MGA: variants seen among roughly 807,000 people sequenced by gnomAD.
The protein encoded by MGA is MAX dimerization protein MGA.
In MGA, 40 loss-of-function variants were observed where a neutral mutation model predicts 261.1. The ratio of observed to expected loss-of-function variants is 0.15; its 90% CI spans 0.12 to 0.20. The LOEUF (loss-of-function observed/expected upper bound fraction) is 0.20. MGA is among the 10% of genes least tolerant of loss of function. MGA has a pLI of 1.00. For missense variants in MGA, 3,397 were observed against 3,630.5 expected (o/e 0.94, Z 1.65); for synonymous variants, 1,302 against 1,290.6 (o/e 1.01, Z -0.19).
At position 41,696,556 on chromosome 15, in the gene MGA, A is replaced by G. The variant is rs1428614663; in HGVS notation, c.1546A>G (p.Asn516Asp). The G allele has an allele frequency of 6.2e-7, 1 of 1,613,990 alleles. No individual in the cohort carries two copies. The highest frequency in any genetic ancestry group is 2.2e-5 in the East Asian group (1 of 44,886). ...TTTGCCTACATACATTGAAAATTCC[A>G]ATGAGACTGCCTTCTGCTTAGGCAA... Residue 516 changes from asparagine to aspartate, a missense_variant, in exon 3 of 24, where the codon AAT becomes GAT. Coordinates refer to ENST00000219905, the MANE Select transcript of MGA (RefSeq NM_001164273.2).
At chr15:41,675,673 G>A (rs1030036558) in intron 2 of MGA, among the ~76,000 whole-genome samples, 11 of 152,038 alleles carry the variant, frequency 7.2e-5, no homozygotes, top group Non-Finnish European at 2.9e-5. Flanking sequence ...CACTGTGCCC[G>A]GCTCTTTAGA....
intron 1 of MGA, among the ~76,000 whole-genome samples, chr15:41,653,940 G>A (rs142774096): frequency 2.2e-4 from 33 of 152,220 alleles, no homozygotes; most frequent in Non-Finnish European, 4.6e-4. Flanking sequence ...GTTCTGTACC[G>A]TTACCAAAGT....
intron 5 of MGA, among the ~76,000 whole-genome samples, chr15:41,702,488 A>G (rs2059905203): frequency 6.6e-6 from 1 of 152,210 alleles, no homozygotes. Context: ...TTGAATTTCA[A>G]CTTAATGTCA....
chr15:41,644,866 T>G (rs973628524), intron 1 of MGA, among the ~76,000 whole-genome samples: 2 of 152,178 alleles, frequency 1.3e-5, no homozygotes, highest in Non-Finnish European at 2.9e-5. Context: ...CCCAGGTGTT[T>G]GCAAACTTTT....
At chr15:41,626,283 C>T (rs2056448764) in intron 1 of MGA, among the ~76,000 whole-genome samples, 1 of 133,884 alleles carries the variant, frequency 7.5e-6, no homozygotes, top group African/African-American at 2.7e-5. Context: ...AACTATTTTC[C>T]TCTTTTTTTT....
At chr15:41,640,198 A>G (rs1183325759) in intron 1 of MGA, among the ~76,000 whole-genome samples, 1 of 152,206 alleles carries the variant, frequency 6.6e-6, no homozygotes, top group Non-Finnish European at 1.5e-5. Context: ...AAGCAGCGTA[A>G]TTATAAATGC....
chr15:41,757,784 C>G lies in MGA; in HGVS notation c.7140-4C>G, dbSNP rs777176762. 4 of 1,605,818 alleles carry G rather than the reference C, an allele frequency of 2.5e-6. No homozygotes were observed. The African/African-American group carries it at 5.3e-5, about 21-fold the overall frequency. ...AGACACTGAAAAATCCTGTCTTTAT[C>G]CAGGTCCTGTACTCACATCTCTGCA... is the stretch of plus-strand genomic sequence containing the variant. On this transcript the variant is annotated splice_region_variant and splice_polypyrimidine_tract_variant and intron_variant, in intron 18 of 23. Transcript: ENST00000219905.
chr15:41,740,314 CT>C, intron 14 of MGA, 111 bp downstream of exon 14: 4 of 1,201,862 alleles, frequency 3.3e-6, no homozygotes, highest in Non-Finnish European at 4.6e-6. Context: ...TGGCATTATT[CT>C]TATTCTTGTT....
intron 1 of MGA, among the ~76,000 whole-genome samples, chr15:41,629,914 C>A (rs1394533391): frequency 6.6e-6 from 1 of 152,128 alleles, no homozygotes; most frequent in Non-Finnish European, 1.5e-5. Flanking sequence ...AATAGTATAA[C>A]ACTGAATAAT....
rs2150950133 is a variant in MGA at position 41,669,477 on chromosome 15, C to A, written c.583C>A (p.His195Asn). The A allele has an allele frequency of 6.2e-7, 1 of 1,613,960 alleles. No homozygotes were observed. Residue 195 changes from histidine to asparagine, a missense_variant, in exon 2 of 24, where the codon CAC becomes AAC. Transcript: ENST00000219905. ...GGACCAAGAAGGGCATATCATCTTG[C>A]ACTCTATGCATCGTTACCTGCCGAG... is the stretch of plus-strand genomic sequence containing the variant.
At chr15:41,690,209 C>A (rs1296893047) in intron 2 of MGA, among the ~76,000 whole-genome samples, 1 of 152,144 alleles carries the variant, frequency 6.6e-6, no homozygotes, top group Non-Finnish European at 1.5e-5. Flanking sequence ...GTCTTTTGTG[C>A]CTGGCTTGTT....
At chr15:41,628,990 A>C (rs2056526617) in intron 1 of MGA, among the ~76,000 whole-genome samples, 1 of 151,928 alleles carries the variant, frequency 6.6e-6, no homozygotes, top group African/African-American at 2.4e-5. Flanking sequence ...AATACAAAAA[A>C]AATTAGCTGG....
intron 1 of MGA, among the ~76,000 whole-genome samples, chr15:41,637,727 G>A (rs945156240): frequency 1.3e-5 from 2 of 152,038 alleles, no homozygotes; most frequent in Non-Finnish European, 2.9e-5. Flanking sequence ...ATATCTGTTA[G>A]GATACTGGGA....
In MGA at chr15:41,749,624, A is replaced by G. The variant is rs767885178; in HGVS notation, c.6017A>G (p.Asn2006Ser). 13 of 1,613,958 alleles carry G rather than the reference A, an allele frequency of 8.1e-6. No homozygotes were observed. The highest frequency in any genetic ancestry group is 3.3e-5 in the South Asian group (3 of 91,084). ...GGAGAGGCTGTAGACCCTGAGGCTA[A>G]TGTAATAAAACAAAACTCAGGAGCT... Residue 2006 changes from asparagine to serine, a missense_variant, in exon 17 of 24, where the codon AAT becomes AGT. Asn to Ser is a conservative substitution (Grantham distance 46). Around this residue, in one of 9 missense-constraint regions of MGA, gnomAD observed 1,410 missense variants for 1,386.4 expected, o/e 1.02. Coordinates refer to ENST00000219905, the MANE Select transcript of MGA (RefSeq NM_001164273.2).
At chr15:41,736,089 A>G (rs781492003) in intron 12 of MGA, 92 bp from the exon 13 acceptor site, 7 of 1,119,984 alleles carry the variant, frequency 6.3e-6, no homozygotes, top group Non-Finnish European at 8.5e-6. Flanking sequence ...GAACGTGAGA[A>G]TGTGACAGTT....
chr15:41,652,320 C>T (rs1443306844), intron 1 of MGA, among the ~76,000 whole-genome samples: 1 of 144,336 alleles, frequency 6.9e-6, no homozygotes, highest in East Asian at 2.1e-4. Flanking sequence ...CCTCCCCTCC[C>T]CTCTCTTCTT....
rs2062599021 is a variant in MGA at position 41,750,284 on chromosome 15, G to A, written c.6677G>A (p.Gly2226Glu). Residue 2226 changes from glycine (G) to glutamate (E), a missense_variant, in exon 17 of 24, where the codon GGA (glycine) becomes GAA (glutamate). Coordinates refer to ENST00000219905, the MANE Select transcript of MGA (RefSeq NM_001164273.2). Reference sequence around the variant, plus strand: ...GAACAAGGCATCTCTGACTTACTTGGAAAAAGTGGAATTACTGAAGATGCC... The same window carrying A: ...GAACAAGGCATCTCTGACTTACTTGAAAAAAGTGGAATTACTGAAGATGCC... 6.2e-7 allele frequency: 1 copy of A among 1,614,024 alleles called. No homozygotes were observed. The highest frequency in any genetic ancestry group is 8.5e-7 in the Non-Finnish European group (1 of 1,179,898).
chr15:41,758,610 C>T (rs1402685962), intron 19 of MGA, among the ~76,000 whole-genome samples: 1 of 152,154 alleles, frequency 6.6e-6, no homozygotes, highest in Non-Finnish European at 1.5e-5. Flanking sequence ...AGCTTATTTA[C>T]ATAATTCATT....
At chr15:41,656,544 G>C (rs186119405), upstream of MGA, among the ~76,000 whole-genome samples, 85 of 151,424 alleles carry the variant, frequency 5.6e-4, 1 homozygote, top group African/African-American at 2.0e-3. Flanking sequence ...ATTTTTGGTA[G>C]AGACAGGGTC....
Sources: gnomAD v4.1 joint callset for allele counts (sites outside exome capture counted in the v4.1 genomes callset) on GRCh38, gnomAD v4.1.1 for gene constraint, gnomAD v4.1.1 regional missense constraint, MANE v1.5 for transcripts, NCBI Gene and HGNC (gene_info 2026-07-23, HGNC 2026-07-21) for gene names.